Variants in FMNL2 observed in about 807,000 individuals in gnomAD.
FMNL2 encodes the protein formin-like protein 2.
In FMNL2, 51 loss-of-function variants were observed where a neutral mutation model predicts 130.2. The observed-to-expected ratio is 0.39, with a 90% CI of 0.31 to 0.49. The LOEUF (loss-of-function observed/expected upper bound fraction) is 0.49, where lower values mean the gene tolerates loss of function less well. Among genes scored for constraint, FMNL2 ranks in the 20% least tolerant of loss-of-function variants. The pLI, the probability that FMNL2 is intolerant of heterozygous loss-of-function variation, is 0.85. For synonymous variants in FMNL2, 465 were observed against 467.1 expected, an observed-to-expected ratio of 1.00 and a Z score of 0.06; for missense variants, 977 against 1,316.2, an observed-to-expected ratio of 0.74 and a Z score of 3.99.
intron 6 of FMNL2, among the ~76,000 whole-genome samples, chr2:152,574,425 ACT>A (rs1189442470): frequency 1.5e-5 from 2 of 134,876 alleles, no homozygotes; most frequent in Admixed American, 1.6e-4. Context: ...ACAGAGCGAG[ACT>A]CTGTCTCAAA....
At chr2:152,345,184 T>C (rs968734374) in intron 1 of FMNL2, among the ~76,000 whole-genome samples, 4 of 152,182 alleles carry the variant, frequency 2.6e-5, no homozygotes, top group African/African-American at 9.7e-5. Flanking sequence ...GATAAAACTT[T>C]CTAATAATAG....
intron 1 of FMNL2, among the ~76,000 whole-genome samples, chr2:152,467,602 G>T (rs1267499085): frequency 6.6e-6 from 1 of 152,192 alleles, no homozygotes; most frequent in Non-Finnish European, 1.5e-5. Flanking sequence ...AGTATATGCT[G>T]TTTAAGGAAC....
At chr2:152,611,234 G>A (rs1351705217) in intron 10 of FMNL2, among the ~76,000 whole-genome samples, 1 of 152,144 alleles carries the variant, frequency 6.6e-6, no homozygotes, top group Non-Finnish European at 1.5e-5. Flanking sequence ...AGCTACTCGG[G>A]AGGCCGAGGC....
chr2:152,607,453 A>C, intron 10 of FMNL2, 40 bp downstream of exon 10: 2 of 1,417,146 alleles, frequency 1.4e-6, no homozygotes, highest in South Asian at 2.4e-5. Flanking sequence ...ACTCAGTTTC[A>C]ATACTTTTTT....
At chr2:152,496,590 A>G (rs1005322485) in intron 1 of FMNL2, among the ~76,000 whole-genome samples, 1 of 152,208 alleles carries the variant, frequency 6.6e-6, no homozygotes, top group African/African-American at 2.4e-5. Flanking sequence ...GGCTGCATCA[A>G]TTATCACTGT....
At chr2:152,630,489 C>G (rs1271041559) in intron 20 of FMNL2, among the ~76,000 whole-genome samples, 1 of 152,116 alleles carries the variant, frequency 6.6e-6, no homozygotes, top group Non-Finnish European at 1.5e-5. Context: ...GCAGGGTGCT[C>G]TAATTTTCAG....
chr2:152,448,591 TG>T (rs2106160113), intron 1 of FMNL2, among the ~76,000 whole-genome samples: 1 of 152,322 alleles, frequency 6.6e-6, no homozygotes, highest in East Asian at 1.9e-4. Flanking sequence ...TTTTTTGGAC[TG>T]TCAGTATGGC....
intron 1 of FMNL2, among the ~76,000 whole-genome samples, chr2:152,512,463 C>T (rs1692540696): frequency 6.6e-6 from 1 of 152,174 alleles, no homozygotes; most frequent in African/African-American, 2.4e-5. Flanking sequence ...AGAGCTTGTC[C>T]TTGACTGCTA....
intron 2 of FMNL2, among the ~76,000 whole-genome samples, chr2:152,529,196 TA>T (rs1445212318): frequency 1.3e-5 from 2 of 152,204 alleles, no homozygotes; most frequent in Non-Finnish European, 2.9e-5. Context: ...CATTTAGTTT[TA>T]TAGGTGAGGG....
chr2:152,618,881 A>C lies in FMNL2; in HGVS notation c.1350A>C (p.Thr450=). 1 of 1,609,984 alleles carries C rather than the reference A, an allele frequency of 6.2e-7. No individual in the cohort carries two copies. Among genetic ancestry groups the C allele is most frequent in the South Asian group, 1.1e-5 (1 of 90,388 alleles). The change falls in exon 14 of 26, where the codon ACA becomes ACC. Residue 450 remains threonine, a synonymous_variant. Coordinates refer to ENST00000288670, the MANE Select transcript of FMNL2 (RefSeq NM_052905.4). ...IYKDANTQVH[T]LRKMVKEKEE... ...AAGATGCAAATACTCAAGTTCACAC[A>C]TTAAGAAAAATGGTCAAAGAAAAAG...
At chr2:152,576,594 G>A (rs1329217097) in intron 7 of FMNL2, among the ~76,000 whole-genome samples, 1 of 152,110 alleles carries the variant, frequency 6.6e-6, no homozygotes, top group Admixed American at 6.6e-5. Context: ...GTCAAGATTT[G>A]GACCCAGGAA....
chr2:152,367,321 C>G (rs1325890969), intron 1 of FMNL2, among the ~76,000 whole-genome samples: 1 of 152,024 alleles, frequency 6.6e-6, no homozygotes, highest in African/African-American at 2.4e-5. Context: ...AGTGATCCGC[C>G]CACCTTAGCC....
chr2:152,435,014 G>A (rs1233094138), intron 1 of FMNL2, among the ~76,000 whole-genome samples: 1 of 152,086 alleles, frequency 6.6e-6, no homozygotes, highest in African/African-American at 2.4e-5. Flanking sequence ...TGGCCAAGGA[G>A]CTTTGGAGCA....
At chr2:152,576,937 G>C (rs920886944) in intron 7 of FMNL2, among the ~76,000 whole-genome samples, 8 of 152,182 alleles carry the variant, frequency 5.3e-5, no homozygotes, top group African/African-American at 1.9e-4. Context: ...TAGAGCTTTA[G>C]AGGCCGCTGA....
In FMNL2 at chr2:152,619,610, C is replaced by T; in HGVS notation, c.1729C>T (p.Pro577Ser). The T allele has an allele frequency of 6.2e-7, 1 of 1,603,612 alleles. No individual in the cohort carries two copies. Among genetic ancestry groups the T allele is most frequent in the Non-Finnish European group, 8.5e-7 (1 of 1,176,858 alleles). ...CCCTCCGCCTCCTCCTCTCCCAGGC[C>T]CTGCAGCTGAGACTGTACCAGCTCC... Reference protein sequence around the residue: ...PPPPPPPLPGPAAETVPAPPL... With the variant: ...PPPPPPPLPGSAAETVPAPPL... Residue 577 changes from proline to serine, a missense_variant, in exon 15 of 26, where the codon CCT (proline) becomes TCT (serine). Pro to Ser is a moderately conservative substitution (Grantham distance 74). This residue lies in a region of FMNL2 where 689 missense variants were observed against 995.9 expected (regional missense o/e 0.69). Coordinates refer to ENST00000288670, the MANE Select transcript of FMNL2 (RefSeq NM_052905.4).
At chr2:152,525,043 TGATGAAACTGA>T (rs1244671560) in intron 2 of FMNL2, among the ~76,000 whole-genome samples, 1 of 152,166 alleles carries the variant, frequency 6.6e-6, no homozygotes, top group Non-Finnish European at 1.5e-5. Flanking sequence ...ATTTTATAGA[TGATGAAACTGA>T]GGTTCATAGA....
intron 1 of FMNL2, among the ~76,000 whole-genome samples, chr2:152,369,823 G>A (rs1683771659): frequency 6.6e-6 from 1 of 152,146 alleles, no homozygotes; most frequent in South Asian, 2.1e-4. Flanking sequence ...TTTTAACATG[G>A]GGAAGGCATT....
At chr2:152,623,508 A>T (rs1371820585) in intron 15 of FMNL2, among the ~76,000 whole-genome samples, 1 of 148,286 alleles carries the variant, frequency 6.7e-6, no homozygotes, top group Admixed American at 6.8e-5. Context: ...TTATCAGATG[A>T]CATTCCTGCT....
In FMNL2 at chr2:152,619,098, T is replaced by A. The variant is rs759788402; in HGVS notation, c.1567T>A (p.Ser523Thr). 5 of 1,609,662 alleles carry A rather than the reference T, an allele frequency of 3.1e-6. No individual in the cohort carries two copies. The highest frequency in any genetic ancestry group is 4.2e-6 in the Non-Finnish European group (5 of 1,176,844). The change falls in exon 14 of 26, where the codon TCA becomes ACA. Residue 523 changes from serine to threonine, a missense_variant. Around this residue, in one of 4 missense-constraint regions of FMNL2, gnomAD observed 689 missense variants for 995.9 expected, o/e 0.69. Coordinates refer to ENST00000288670, the MANE Select transcript of FMNL2 (RefSeq NM_052905.4). ...GGGACCCACAATGGGGGCCGCTTCC[T>A]CAGGACCCTTGCCCCCTCCTCCACC... ...SVGPTMGAAS[S>T]GPLPPPPPPL...
Sources: gnomAD v4.1 joint callset for allele counts (sites outside exome capture counted in the v4.1 genomes callset) on GRCh38, gnomAD v4.1.1 for gene constraint, gnomAD v4.1.1 regional missense constraint, MANE v1.5 for transcripts, NCBI Gene and HGNC (gene_info 2026-07-23, HGNC 2026-07-21) for gene names.